The following PBXIP1 variants were observed in gnomAD, a reference collection of about 807,000 sequenced individuals.
PBXIP1 encodes the protein pre-B-cell leukemia transcription factor-interacting protein 1.
PBXIP1 carries 73 observed loss-of-function variants against 73.7 expected under a neutral mutation model. The observed-to-expected ratio is 0.99, with a 90% CI of 0.82 to 1.20. PBXIP1 has a LOEUF of 1.20. Ranked by LOEUF, PBXIP1 falls within the 50% of genes most tolerant of loss-of-function variation. The pLI is 0.00. For synonymous variants in PBXIP1, 330 were observed against 366.9 expected (o/e 0.90, Z 1.15); for missense variants, 818 against 911.4 (o/e 0.90, Z 1.32).
In PBXIP1 at chr1:154,945,093, T is replaced by A. The variant is rs529788192; in HGVS notation, c.2127A>T (p.Ser709=). Residue 709 remains serine (S), a synonymous_variant, in exon 11 of 11, where the codon TCA becomes TCT. Coordinates refer to ENST00000368463, the MANE Select transcript of PBXIP1 (RefSeq NM_020524.4). The part of the protein sequence containing the change: ...KKRSGKKDKH[S]QSPRAAGPRE... ...TGGGCCCCGCAGCTCTTGGGCTCTGTGAGTGCTTGTCCTTCTTCCCTGACC... is the reference window on the plus strand; with the variant it reads ...TGGGCCCCGCAGCTCTTGGGCTCTGAGAGTGCTTGTCCTTCTTCCCTGACC... The A allele has an allele frequency of 6.2e-7, 1 of 1,613,978 alleles. No individual in the cohort carries two copies. Among genetic ancestry groups the A allele is most frequent in the Admixed American group, 1.7e-5 (1 of 60,018 alleles).
chr1:154,952,854 A>G (rs1655053091), intron 2 of PBXIP1, among the ~76,000 whole-genome samples: 1 of 152,070 alleles, frequency 6.6e-6, no homozygotes, highest in South Asian at 2.1e-4. Context: ...CTCCAGCGTC[A>G]TCCCCAAGGT....
chr1:154,954,657 C>T (rs897573968), intron 1 of PBXIP1, among the ~76,000 whole-genome samples: 1 of 152,206 alleles, frequency 6.6e-6, no homozygotes, highest in Non-Finnish European at 1.5e-5. Context: ...TGGTCCTGCA[C>T]CCGGTTAATC....
At chr1:154,954,232 G>A (rs1470155005) in intron 1 of PBXIP1, among the ~76,000 whole-genome samples, 2 of 152,248 alleles carry the variant, frequency 1.3e-5, no homozygotes, top group Admixed American at 6.5e-5. Context: ...TGGAAGGGAA[G>A]ACTCAATGGC....
rs756030912 is a variant in PBXIP1, at chr1:154,946,691, TCCAGAGCCCGCTGGAAGGCTTCGC to T, written c.959_982del (p.Gly320_Leu327del). ...GGCCCGCAGCTGCTGCAGCTCTGAC[TCCAGAGCCCGCTGGAAGGCTTCGC>T]CCTGCTGCAGAGCCCCCCGGAGCTG... On this transcript the variant is annotated inframe_deletion, in exon 10 of 11. Transcript: ENST00000368463. 1.2e-6 allele frequency: 2 copies of T among 1,612,480 alleles called. No individual in the cohort carries two copies. Among genetic ancestry groups the T allele is most frequent in the Admixed American group, 1.7e-5 (1 of 59,968 alleles).
Position 154,947,973 on chromosome 1 carries a change from C to T in PBXIP1, c.667+9G>A. The stretch of plus-strand genomic sequence containing the variant: ...CTCCCCAGCACAAGACAGGCTCCTC[C>T]CTACTCACCAGTCTCAGACTCTGAG... On this transcript the variant is annotated intron_variant, in intron 7 of 10. Transcript: ENST00000368463. 6.2e-7 allele frequency: 1 copy of T among 1,613,554 alleles called. No homozygotes were observed. The highest frequency in any genetic ancestry group is 8.5e-7 in the Non-Finnish European group (1 of 1,179,522).
chr1:154,955,260 A>C (rs1571404265), intron 1 of PBXIP1, among the ~76,000 whole-genome samples: 1 of 151,798 alleles, frequency 6.6e-6, no homozygotes, highest in Admixed American at 6.6e-5. Context: ...CCCCATCCCC[A>C]GTTGCTGACT....
At chr1:154,946,871 C>T in intron 9 of PBXIP1, 68 bp from the exon 10 acceptor site, 1 of 1,427,004 alleles carries the variant, frequency 7.0e-7, no homozygotes, top group Non-Finnish European at 9.4e-7. Context: ...ATGCCTTCTA[C>T]CCCAATTCCA....
At position 154,947,563 on chromosome 1, in the gene PBXIP1, G is replaced by A; in HGVS notation, c.739-15C>T. 6.2e-7 allele frequency: 1 copy of A among 1,602,292 alleles called. No individual in the cohort carries two copies. Among genetic ancestry groups the A allele is most frequent in the South Asian group, 1.1e-5 (1 of 89,640 alleles). The stretch of plus-strand genomic sequence containing the variant: ...CTTAGCCCATCCTGAGGGCAGAAGA[G>A]CCTGTTATGCCATGCTACCCCACAG... On this transcript the variant is annotated splice_polypyrimidine_tract_variant and intron_variant, in intron 8 of 10. Coordinates refer to ENST00000368463, the MANE Select transcript of PBXIP1 (RefSeq NM_020524.4).
intron 1 of PBXIP1, 83 bp from the exon 2 acceptor site, chr1:154,953,840 G>T (rs1312318346): frequency 4.7e-6 from 4 of 843,126 alleles, no homozygotes; most frequent in Non-Finnish European, 7.5e-6. Flanking sequence ...GGGTTCCAAG[G>T]TTCAAGTGCT....
intron 2 of PBXIP1, among the ~76,000 whole-genome samples, chr1:154,952,931 T>C (rs1430315148): frequency 1.3e-5 from 2 of 152,080 alleles, no homozygotes; most frequent in African/African-American, 4.8e-5. Context: ...ACTGAGCTTC[T>C]CTCCTCCTCC....
At chr1:154,949,334 T>G (rs929208594) in intron 5 of PBXIP1, among the ~76,000 whole-genome samples, 1 of 150,844 alleles carries the variant, frequency 6.6e-6, no homozygotes, top group African/African-American at 2.4e-5. Context: ...CCCGGCTAAT[T>G]TGTGTGTGTG....
chr1:154,951,153 T>C lies in PBXIP1; in HGVS notation c.409+79A>G. 1.5e-6 allele frequency: 2 copies of C among 1,335,214 alleles called. No individual in the cohort carries two copies. Among genetic ancestry groups the C allele is most frequent in the Non-Finnish European group, 1.1e-6 (1 of 939,846 alleles). The allele number at this position is 1,335,214 out of a possible 1,614,324, so 82.7% of individuals were successfully genotyped here. A position where few individuals can be genotyped will look rare whatever the true frequency, so the allele number is the denominator to read the frequency against. On this transcript the variant is annotated intron_variant, in intron 5 of 10. Transcript: ENST00000368463. The surrounding 1 kb of genome is among the most constrained non-coding windows in gnomAD (Gnocchi z 4.3). ...CAGCCCTAGGGCCTGGACCACAGCA[T>C]GTGCTCAGTAGTGATGGCTGATCCC...
At chr1:154,945,515 T>TCA in intron 10 of PBXIP1, 57 bp downstream of exon 10, 1 of 1,542,480 alleles carries the variant, frequency 6.5e-7, no homozygotes, top group South Asian at 1.2e-5. Context: ...TCCTTGCTCT[T>TCA]CACATCCTCC....
At chr1:154,954,311 C>T (rs1655105543) in intron 1 of PBXIP1, among the ~76,000 whole-genome samples, 1 of 152,210 alleles carries the variant, frequency 6.6e-6, no homozygotes, top group African/African-American at 2.4e-5. Flanking sequence ...TTCAGTGGTT[C>T]TCAATCTTGG....
chr1:154,947,601 C>A (rs1245239030), intron 8 of PBXIP1, 41 bp downstream of exon 8: 1 of 1,609,252 alleles, frequency 6.2e-7, no homozygotes, highest in African/African-American at 1.3e-5. Flanking sequence ...CAGGTTCTCC[C>A]CAGCCAGGCC....
chr1:154,954,797 T>A (rs929674074), intron 1 of PBXIP1, among the ~76,000 whole-genome samples: 1 of 152,168 alleles, frequency 6.6e-6, no homozygotes, highest in Non-Finnish European at 1.5e-5. Flanking sequence ...AGGCAGCTCC[T>A]GTTGGGACCA....
intron 8 of PBXIP1, 45 bp from the exon 9 acceptor site, chr1:154,947,593 G>T: frequency 6.2e-7 from 1 of 1,608,412 alleles, no homozygotes; most frequent in Non-Finnish European, 8.5e-7. Context: ...CCACAGCCCA[G>T]GTTCTCCCCA....
Position 154,945,034 on chromosome 1 carries a change from T to A in PBXIP1, c.2186A>T (p.His729Leu). ...CTGTGGGGCAGGGTGTCAGCCCCGGTGGTGGTGGTGGTGGCTATGGCTGTG... is the reference window on the plus strand; with the variant it reads ...CTGTGGGGCAGGGTGTCAGCCCCGGAGGTGGTGGTGGTGGCTATGGCTGTG... Reference protein sequence around the residue: ...EGHSHSHHHHHRG With the variant: ...EGHSHSHHHHLRG The change falls in exon 11 of 11, where the codon CAC becomes CTC. Residue 729 changes from histidine to leucine, a missense_variant. Transcript: ENST00000368463. 6.3e-7 allele frequency: 1 copy of A among 1,584,904 alleles called. No individual in the cohort carries two copies.
In PBXIP1 at chr1:154,946,803, C is replaced by A; in HGVS notation, c.871G>T (p.Ala291Ser). 1 of 1,525,564 alleles carries A rather than the reference C, an allele frequency of 6.6e-7. No homozygotes were observed. The highest frequency in any genetic ancestry group is 8.8e-7 in the Non-Finnish European group (1 of 1,137,872). 94.5% of individuals were successfully genotyped at this position (1,525,564 alleles called of 1,614,324 possible). A position where few individuals can be genotyped will look rare whatever the true frequency, so the allele number is the denominator to read the frequency against. ...AGGCTCTGAAGCTCTTCCTTTTGGG[C>A]CTAGAATATGGTTTGGGACAAAGGA... ...DIRLLQAQLQ[A>S]QKEELQSLMH... The change falls in exon 10 of 11, where the codon GCC becomes TCC. Residue 291 changes from alanine (A) to serine (S), a missense_variant and splice_region_variant. By Grantham distance (99) the Ala-to-Ser change is moderately conservative. Transcript: ENST00000368463.
Sources: gnomAD v4.1 joint callset for allele counts (sites outside exome capture counted in the v4.1 genomes callset) on GRCh38, gnomAD v4.1.1 for gene constraint, Gnocchi (gnomAD v3.1) non-coding constraint, MANE v1.5 for transcripts, NCBI Gene and HGNC (gene_info 2026-07-23, HGNC 2026-07-21) for gene names.